The following DOK7 variants were observed in gnomAD, a reference collection of about 807,000 sequenced individuals.
The protein encoded by DOK7 is docking protein 7, also known as protein Dok-7.
A neutral mutation model predicts 30.7 loss-of-function variants in DOK7; 32 were observed. The observed-to-expected ratio is 1.04, with a 90% CI of 0.79 to 1.40. The LOEUF is 1.40. Ranked by LOEUF, DOK7 falls within the 40% of genes most tolerant of loss-of-function variation. The probability of loss-of-function intolerance (pLI) is 0.00; values close to 1 mark genes in which losing one functional copy is unlikely to be tolerated. For missense variants in DOK7, 1,007 were observed against 699.2 expected (o/e 1.44, Z -4.97); for synonymous variants, 447 against 324.1 (o/e 1.38, Z -4.07).
At chr4:3,467,092 C>A (rs548312795) in intron 2 of DOK7, among the ~76,000 whole-genome samples, 1 of 152,078 alleles carries the variant, frequency 6.6e-6, no homozygotes, top group Non-Finnish European at 1.5e-5. Context: ...CTACCACCTG[C>A]GTTGCTAAGG....
At chr4:3,484,077 G>A (rs1039873510) in intron 4 of DOK7, among the ~76,000 whole-genome samples, 2 of 152,234 alleles carry the variant, frequency 1.3e-5, no homozygotes, top group South Asian at 2.1e-4. Flanking sequence ...CAGGGGGCCA[G>A]GGGACTTGGA....
At chr4:3,486,672 T>C (rs548202960) in intron 5 of DOK7, among the ~76,000 whole-genome samples, 3 of 150,372 alleles carry the variant, frequency 2.0e-5, no homozygotes, top group Non-Finnish European at 3.0e-5. Flanking sequence ...TGCACCCCTG[T>C]AGGTGTCTTC....
chr4:3,493,587 T>C lies in DOK7; in HGVS notation c.*86T>C, dbSNP rs1010648147. The C allele has an allele frequency of 5.8e-6, 9 of 1,551,394 alleles. No individual in the cohort carries two copies. The highest frequency in any genetic ancestry group is 7.8e-6 in the Non-Finnish European group (9 of 1,147,674). ...AAGTGGCGCCAGCCTCCTTGCAGAC[T>C]GGTGCTCTGTGTTCTGTGGGAGGGA... On this transcript the variant is annotated 3_prime_UTR_variant, in exon 7 of 7. Transcript: ENST00000340083.
chr4:3,498,533 G>T (rs116680398), downstream of DOK7, among the ~76,000 whole-genome samples: 1 of 152,094 alleles, frequency 6.6e-6, no homozygotes, highest in Admixed American at 6.5e-5. Context: ...GGCAAGCCCC[G>T]GCCCTGCCCC....
At chr4:3,494,592 C>T (rs1560237007), downstream of DOK7, 4 of 910,920 alleles carry the variant, frequency 4.4e-6, no homozygotes, top group African/African-American at 3.6e-5. Flanking sequence ...TGGCCTTTAT[C>T]TCAGAGAGTG....
At chr4:3,497,157 G>T (rs1577190604), downstream of DOK7, among the ~76,000 whole-genome samples, 1 of 152,064 alleles carries the variant, frequency 6.6e-6, no homozygotes, top group Admixed American at 6.6e-5. Flanking sequence ...GCTGCTGGAG[G>T]ATGGACTGAA....
chr4:3,496,776 G>A (rs913284986), downstream of DOK7: 2 of 1,534,678 alleles, frequency 1.3e-6, no homozygotes, highest in African/African-American at 1.4e-5. Flanking sequence ...ACAGGATGAG[G>A]GGAAGACTGA....
At chr4:3,486,205 C>T (rs1727778554) in intron 5 of DOK7, among the ~76,000 whole-genome samples, 1 of 152,216 alleles carries the variant, frequency 6.6e-6, no homozygotes, top group Non-Finnish European at 1.5e-5. Flanking sequence ...TTGGCTGTGG[C>T]TGCGGCACTC....
At chr4:3,470,385 G>T (rs1414157358) in intron 2 of DOK7, among the ~76,000 whole-genome samples, 1 of 152,254 alleles carries the variant, frequency 6.6e-6, no homozygotes, top group Non-Finnish European at 1.5e-5. Context: ...CTCAGCCCCT[G>T]CCTGTAAGTG....
At chr4:3,471,797 G>A (rs1254579620) in intron 2 of DOK7, among the ~76,000 whole-genome samples, 1 of 152,282 alleles carries the variant, frequency 6.6e-6, no homozygotes, top group African/African-American at 2.4e-5. Flanking sequence ...GGCAGGCGGA[G>A]TTCTGTAGGT....
At chr4:3,471,008 G>A (rs1726725257) in intron 2 of DOK7, among the ~76,000 whole-genome samples, 1 of 152,234 alleles carries the variant, frequency 6.6e-6, no homozygotes, top group South Asian at 2.1e-4. Flanking sequence ...TGGGTGATCA[G>A]CCCACCAAGG....
chr4:3,485,208 C>G (rs1280491746), intron 4 of DOK7: 1 of 266,722 alleles, frequency 3.7e-6, no homozygotes, highest in Admixed American at 5.4e-5. Context: ...CACCCCCTCC[C>G]TCCTCCCCAT....
chr4:3,496,780 A>G, downstream of DOK7: 1 of 1,532,732 alleles, frequency 6.5e-7, no homozygotes, highest in African/African-American at 1.4e-5. Flanking sequence ...GATGAGGGGA[A>G]GACTGAAGGA....
At position 3,492,878 on chromosome 4, in the gene DOK7, G is replaced by T; in HGVS notation, c.892G>T (p.Gly298Trp). 6.2e-7 allele frequency: 1 copy of T among 1,603,318 alleles called. No individual in the cohort carries two copies. Among genetic ancestry groups the T allele is most frequent in the South Asian group, 1.1e-5 (1 of 89,672 alleles). The change falls in exon 7 of 7, where the codon GGG (glycine) becomes TGG (tryptophan). Residue 298 changes from glycine (G) to tryptophan (W), a missense_variant. Physicochemically the swap from Gly to Trp is radical, Grantham distance 184 (BLOSUM62 -2). Transcript: ENST00000340083. ...GTCGTCAGCCAGCACGTCACAGGAG[G>T]GGCCTAGACCAGCAGCTGCCCAGGC... is the stretch of plus-strand genomic sequence containing the variant. Reference protein sequence around the residue: ...SSSSASTSQEGPRPAAAQAAG... With the variant: ...SSSSASTSQEWPRPAAAQAAG...
chr4:3,497,232 G>A (rs890284057), downstream of DOK7, among the ~76,000 whole-genome samples: 1 of 152,086 alleles, frequency 6.6e-6, no homozygotes, highest in Non-Finnish European at 1.5e-5. Flanking sequence ...GTTCCTGGGA[G>A]GGGGCATGGC....
At chr4:3,482,103 G>A (rs1163530480) in intron 4 of DOK7, among the ~76,000 whole-genome samples, 1 of 152,100 alleles carries the variant, frequency 6.6e-6, no homozygotes, top group Non-Finnish European at 1.5e-5. Flanking sequence ...CTCCTATACA[G>A]CCCTTTGGGA....
chr4:3,500,490 G>A (rs1168337920), intron 7 of DOK7: 5 of 1,502,262 alleles, frequency 3.3e-6, no homozygotes, highest in Non-Finnish European at 3.5e-6. Context: ...CCACCCAGCA[G>A]CCCTTGGCCA....
chr4:3,466,550 G>C (rs1726276832), intron 2 of DOK7, among the ~76,000 whole-genome samples: 1 of 152,216 alleles, frequency 6.6e-6, no homozygotes, highest in Non-Finnish European at 1.5e-5. Context: ...CCCAGCTCCG[G>C]GCTGAAGACC....
At chr4:3,499,376 G>A (rs1254556258), downstream of DOK7, among the ~76,000 whole-genome samples, 1 of 152,200 alleles carries the variant, frequency 6.6e-6, no homozygotes, top group Non-Finnish European at 1.5e-5. Context: ...CCTGCCTCAC[G>A]TGGCTGTGCG....
Sources: allele counts gnomAD v4.1 joint callset (sites outside exome capture counted in the v4.1 genomes callset), GRCh38; gene constraint gnomAD v4.1.1; transcripts MANE v1.5; gene names NCBI Gene and HGNC (gene_info 2026-07-23, HGNC 2026-07-21).